DSCAML1: variants seen among roughly 807,000 people sequenced by gnomAD.
The protein encoded by DSCAML1 is DS cell adhesion molecule like 1.
Under a neutral mutation model 200.5 loss-of-function variants are expected in DSCAML1, and 38 were observed. That is an observed-to-expected ratio of 0.19 (90% CI 0.15 to 0.25). The LOEUF (loss-of-function observed/expected upper bound fraction) is 0.25. Among genes scored for constraint, DSCAML1 ranks in the 10% least tolerant of loss-of-function variants. The pLI is 1.00. For synonymous variants in DSCAML1, 1,215 were observed against 1,165.0 expected, an observed-to-expected ratio of 1.04 and a Z score of -0.87; for missense variants, 2,223 against 2,858.8, an observed-to-expected ratio of 0.78 and a Z score of 5.07.
chr11:117,808,846 C>T (rs1174936443), intron 1 of DSCAML1, among the ~76,000 whole-genome samples: 1 of 152,224 alleles, frequency 6.6e-6, no homozygotes, highest in East Asian at 1.9e-4. Context: ...GTTCGCAGCA[C>T]TTTGTGGCGT....
intron 19 of DSCAML1, among the ~76,000 whole-genome samples, chr11:117,452,112 C>T (rs539720995): frequency 4.6e-4 from 70 of 152,224 alleles, no homozygotes; most frequent in Admixed American, 3.1e-3. Context: ...GTGGGGTAAA[C>T]GAGTCCATGG....
At chr11:117,590,007 T>A (rs183615738) in intron 3 of DSCAML1, among the ~76,000 whole-genome samples, 2 of 152,266 alleles carry the variant, frequency 1.3e-5, no homozygotes, top group East Asian at 3.9e-4. Flanking sequence ...GGGTTTGGGG[T>A]CTCACTAGGT....
intron 3 of DSCAML1, among the ~76,000 whole-genome samples, chr11:117,622,290 G>A (rs937109283): frequency 3.9e-5 from 6 of 152,224 alleles, no homozygotes; most frequent in Non-Finnish European, 8.8e-5. Flanking sequence ...CACACCTGCT[G>A]TGGTGTAAGA....
chr11:117,669,783 C>T (rs1474587145), intron 3 of DSCAML1, among the ~76,000 whole-genome samples: 2 of 152,214 alleles, frequency 1.3e-5, no homozygotes, highest in Non-Finnish European at 2.9e-5. Flanking sequence ...GCTGAAGGAA[C>T]ATGTGCAAAG....
At chr11:117,455,029 C>A (rs895723208) in intron 19 of DSCAML1, among the ~76,000 whole-genome samples, 2 of 152,212 alleles carry the variant, frequency 1.3e-5, no homozygotes, top group South Asian at 4.1e-4. Flanking sequence ...AGGGGAGGAG[C>A]TGTTCCAAAT....
chr11:117,438,555 A>G (rs2047971723), intron 24 of DSCAML1, among the ~76,000 whole-genome samples: 1 of 150,572 alleles, frequency 6.6e-6, no homozygotes, highest in Non-Finnish European at 1.5e-5. Context: ...CCCCTTGGTG[A>G]CGCAGACGCA....
At chr11:117,613,633 C>T (rs2051745388) in intron 3 of DSCAML1, among the ~76,000 whole-genome samples, 1 of 152,218 alleles carries the variant, frequency 6.6e-6, no homozygotes, top group South Asian at 2.1e-4. Flanking sequence ...GAATGCCAGA[C>T]CTAAATATAA....
intron 3 of DSCAML1, among the ~76,000 whole-genome samples, chr11:117,763,659 G>A: frequency 6.6e-6 from 1 of 151,222 alleles, no homozygotes; most frequent in Non-Finnish European, 1.5e-5. Context: ...CTCTCCAGGA[G>A]TTCACTGACA....
intron 3 of DSCAML1, among the ~76,000 whole-genome samples, chr11:117,627,436 A>G (rs556748815): frequency 2.1e-4 from 32 of 152,100 alleles, no homozygotes; most frequent in Admixed American, 9.8e-4. Flanking sequence ...GAAGGCCTCT[A>G]TGTCGTCCCC....
At chr11:117,737,139 A>G (rs1317500219) in intron 3 of DSCAML1, among the ~76,000 whole-genome samples, 2 of 152,218 alleles carry the variant, frequency 1.3e-5, no homozygotes, top group Non-Finnish European at 2.9e-5. Flanking sequence ...ACACGGTCCT[A>G]TGAATCGGGA....
At chr11:117,484,779 C>T (rs565911817) in intron 11 of DSCAML1, among the ~76,000 whole-genome samples, 76 of 152,228 alleles carry the variant, frequency 5.0e-4, no homozygotes, top group Non-Finnish European at 4.7e-4. Flanking sequence ...GGCTCGTAAG[C>T]GGACTGGGGA....
At chr11:117,611,483 G>A (rs997763384) in intron 3 of DSCAML1, 38 of 152,176 alleles carry the variant, frequency 2.5e-4, no homozygotes, top group African/African-American at 9.2e-4. Context: ...GTCTGTTTCT[G>A]ATCACTGTGG....
intron 11 of DSCAML1, among the ~76,000 whole-genome samples, chr11:117,493,648 G>T (rs2049233738): frequency 6.7e-6 from 1 of 150,078 alleles, no homozygotes. Context: ...ATTTTTTTGA[G>T]ACAAGGTCTC....
intron 3 of DSCAML1, among the ~76,000 whole-genome samples, chr11:117,634,369 A>G (rs1489336678): frequency 2.6e-5 from 4 of 152,150 alleles, no homozygotes; most frequent in Non-Finnish European, 5.9e-5. Context: ...TCACAATGAT[A>G]TACCCTTTCC....
chr11:117,791,416 C>A (rs1388483948), intron 1 of DSCAML1, among the ~76,000 whole-genome samples: 1 of 152,242 alleles, frequency 6.6e-6, no homozygotes. Flanking sequence ...CTTACGCAGG[C>A]TTTATGGCAT....
Position 117,545,681 on chromosome 11 carries a change from G to A in DSCAML1, c.512-13159C>T, listed in dbSNP as rs534460710. Among the ~76,000 whole-genome samples the A allele has an allele frequency of 2.6e-5, 4 of 152,296 alleles. 1 individual carries two copies. Among genetic ancestry groups the A allele is most frequent in the African/African-American group, 4.8e-5 (2 of 41,556 alleles). On this transcript the variant is annotated intron_variant, in intron 3 of 32. Transcript: ENST00000651296. The stretch of plus-strand genomic sequence containing the variant: ...AGAAAGACTGAGTCTAAGACCATCC[G>A]GTGGGCATCAGGGGCCAGGAGCTGA...
chr11:117,625,494 G>GC (rs2052024547), intron 3 of DSCAML1, among the ~76,000 whole-genome samples: 1 of 152,184 alleles, frequency 6.6e-6, no homozygotes, highest in African/African-American at 2.4e-5. Flanking sequence ...AGCTAGAGGG[G>GC]CCCCCTCATT....
chr11:117,722,450 T>C (rs994870110), intron 3 of DSCAML1, among the ~76,000 whole-genome samples: 7 of 152,192 alleles, frequency 4.6e-5, no homozygotes, highest in Non-Finnish European at 8.8e-5. Flanking sequence ...GAAAGAGTTC[T>C]AGTGCGCTAA....
intron 3 of DSCAML1, among the ~76,000 whole-genome samples, chr11:117,736,892 G>A (rs1281171748): frequency 6.6e-6 from 1 of 152,244 alleles, no homozygotes; most frequent in Non-Finnish European, 1.5e-5. Flanking sequence ...CTGTTGCAAT[G>A]TGGGCAAGTT....
Sources: allele counts gnomAD v4.1 joint callset (sites outside exome capture counted in the v4.1 genomes callset), GRCh38; gene constraint gnomAD v4.1.1; transcripts MANE v1.5; gene names NCBI Gene and HGNC (gene_info 2026-07-23, HGNC 2026-07-21).